The following AGBL1 variants were observed in gnomAD, a reference collection of about 807,000 sequenced individuals.
AGBL1 encodes AGBL carboxypeptidase 1, also known as cytosolic carboxypeptidase 4.
In AGBL1, 130 loss-of-function variants were observed where a neutral mutation model predicts 118.9. The observed-to-expected ratio is 1.09, with a 90% CI of 0.95 to 1.26. The LOEUF is 1.26. AGBL1 is among the 50% of genes most tolerant of loss of function. AGBL1 has a pLI of 0.00. For synonymous variants in AGBL1, 555 were observed against 478.9 expected (o/e 1.16, Z -2.08); for missense variants, 1,584 against 1,298.1 (o/e 1.22, Z -3.38).
chr15:86,149,792 A>G (rs2077082479), intron 3 of AGBL1, among the ~76,000 whole-genome samples: 1 of 152,214 alleles, frequency 6.6e-6, no homozygotes, highest in Non-Finnish European at 1.5e-5. Context: ...AGACATCTAC[A>G]GCACTCTCCA....
chr15:86,293,337 C>T (rs1387299024), intron 16 of AGBL1, among the ~76,000 whole-genome samples: 2 of 152,156 alleles, frequency 1.3e-5, no homozygotes, highest in African/African-American at 4.8e-5. Context: ...TGTGTTTCTT[C>T]TGGAGGCTCT....
chr15:86,161,001 C>A (rs1024954867), intron 5 of AGBL1, among the ~76,000 whole-genome samples: 1 of 152,160 alleles, frequency 6.6e-6, no homozygotes, highest in Admixed American at 6.6e-5. Context: ...ACACTAGTTG[C>A]CATTTTTAAT....
At chr15:86,576,241 C>G (rs1353851674) in intron 21 of AGBL1, among the ~76,000 whole-genome samples, 2 of 152,066 alleles carry the variant, frequency 1.3e-5, no homozygotes, top group East Asian at 3.8e-4. Flanking sequence ...ATATAAAGCA[C>G]TTAGAGTGTT....
At chr15:86,721,375 A>G (rs1183651105) in intron 22 of AGBL1, among the ~76,000 whole-genome samples, 1 of 152,224 alleles carries the variant, frequency 6.6e-6, no homozygotes, top group African/African-American at 2.4e-5. Context: ...AATCCAGCAT[A>G]TAAACAGAAC....
intron 5 of AGBL1, among the ~76,000 whole-genome samples, chr15:86,171,629 T>C (rs1597490015): frequency 6.6e-6 from 1 of 151,936 alleles, no homozygotes; most frequent in Non-Finnish European, 1.5e-5. Context: ...AATGTAGACT[T>C]AAACCTAACC....
Position 86,806,812 on chromosome 15 carries a change from CTATA to C in AGBL1, c.3159-100272_3159-100269del, listed in dbSNP as rs1280060339. ...ATATATAATGATGCTTACTTGTACA[CTATA>C]TAAATATTATAATTAATAACTATTT... On this transcript the variant is annotated intron_variant, in intron 22 of 22. Transcript: ENST00000614907. 2.7e-5 allele frequency among the ~76,000 whole-genome samples: 4 copies of C among 150,432 alleles called. No individual in the cohort carries two copies. In the East Asian group the frequency reaches 7.8e-4, roughly 29 times the overall value.
intron 22 of AGBL1, among the ~76,000 whole-genome samples, chr15:86,800,512 G>T (rs962595025): frequency 1.3e-5 from 2 of 151,968 alleles, no homozygotes; most frequent in Non-Finnish European, 2.9e-5. Flanking sequence ...AAGTCTATTT[G>T]GTGTTCTACA....
intron 23 of AGBL1, among the ~76,000 whole-genome samples, chr15:86,935,855 C>A (rs1368925384): frequency 6.6e-6 from 1 of 152,256 alleles, no homozygotes; most frequent in African/African-American, 2.4e-5. Context: ...GTAAAAATGG[C>A]ATTTCAATGT....
At chr15:86,672,495 A>T (rs2085764064) in intron 21 of AGBL1, among the ~76,000 whole-genome samples, 2 of 152,142 alleles carry the variant, frequency 1.3e-5, no homozygotes, top group Non-Finnish European at 2.9e-5. Flanking sequence ...GCAAATGTGT[A>T]TGCGAGTGCT....
chr15:86,184,547 A>G (rs1445183109), intron 5 of AGBL1, among the ~76,000 whole-genome samples: 1 of 151,620 alleles, frequency 6.6e-6, no homozygotes, highest in Non-Finnish European at 1.5e-5. Context: ...TCTCCTGGAT[A>G]ACATCCTGCA....
intron 18 of AGBL1, among the ~76,000 whole-genome samples, chr15:86,419,088 AT>A (rs959434880): frequency 1.3e-5 from 2 of 152,000 alleles, no homozygotes; most frequent in African/African-American, 4.8e-5. Context: ...TGACTAAGAT[AT>A]GTCCTGCATA....
intron 23 of AGBL1, among the ~76,000 whole-genome samples, chr15:86,983,423 C>T (rs115879606): frequency 9.7e-4 from 147 of 152,234 alleles, no homozygotes; most frequent in African/African-American, 3.3e-3. Context: ...AACAAAAATT[C>T]TTGTGCCAAA....
chr15:86,141,528 G>A lies in AGBL1; in HGVS notation c.52-476G>A, dbSNP rs555083381. Among the ~76,000 whole-genome samples, 10 of 152,324 alleles carry A rather than the reference G, an allele frequency of 6.6e-5. No homozygotes were observed. In the South Asian group the frequency reaches 2.1e-3, roughly 32 times the overall value. On this transcript the variant is annotated intron_variant, in intron 1 of 22. Transcript: ENST00000614907. ...TAGCCAGGGGTGGTGGCACATGCCT[G>A]TAGCCCCAGTTACTTGGCAGGCTGA...
At chr15:86,399,792 G>GGCCA (rs2081418574) in intron 18 of AGBL1, among the ~76,000 whole-genome samples, 1 of 152,168 alleles carries the variant, frequency 6.6e-6, no homozygotes, top group Non-Finnish European at 1.5e-5. Flanking sequence ...CCAAATGGCA[G>GGCCA]GCCAGCTTCT....
intron 17 of AGBL1, among the ~76,000 whole-genome samples, chr15:86,318,933 A>T (rs1233844076): frequency 6.6e-6 from 1 of 152,060 alleles, no homozygotes; most frequent in Non-Finnish European, 1.5e-5. Context: ...GGTGAATTTT[A>T]TATATGTTGA....
intron 10 of AGBL1, among the ~76,000 whole-genome samples, chr15:86,263,599 A>T (rs4887425): frequency 0.16 from 23,603 of 152,232 alleles, 2,021 homozygotes; most frequent in Admixed American, 0.2. Flanking sequence ...GTTGTCCTAG[A>T]TGGCTTTTTG....
chr15:86,516,000 CG>C (rs1276410172), intron 18 of AGBL1, among the ~76,000 whole-genome samples: 3 of 152,052 alleles, frequency 2.0e-5, no homozygotes, highest in Non-Finnish European at 2.9e-5. Flanking sequence ...CAACTCAAAG[CG>C]GGGGAGGGAG....
chr15:86,909,601 T>C lies in AGBL1; in HGVS notation c.*2307T>C, dbSNP rs952230135. 4 of 152,240 alleles carry C rather than the reference T, an allele frequency of 2.6e-5. No homozygotes were observed. Among genetic ancestry groups the C allele is most frequent in the Admixed American group, 6.5e-5 (1 of 15,290 alleles). 9.4% of individuals were successfully genotyped at this position (152,240 alleles called of 1,614,324 possible). A position where few individuals can be genotyped will look rare whatever the true frequency, so the allele number is the denominator to read the frequency against. On this transcript the variant is annotated 3_prime_UTR_variant, in exon 23 of 23. Coordinates refer to ENST00000614907, the MANE Select transcript of AGBL1 (RefSeq NM_001386094.1). Reference sequence around the variant, plus strand: ...TGTTTATGTAACATATGCAAGAAATTTGAAGACTATTAGCAAAGATAATGA... The same window carrying C: ...TGTTTATGTAACATATGCAAGAAATCTGAAGACTATTAGCAAAGATAATGA...
chr15:86,807,994 A>G (rs144528986), intron 22 of AGBL1, among the ~76,000 whole-genome samples: 3 of 152,182 alleles, frequency 2.0e-5, no homozygotes, highest in African/African-American at 7.2e-5. Flanking sequence ...CAGAGCTTCT[A>G]TTTTATCATC....
Sources: allele counts gnomAD v4.1 joint callset (sites outside exome capture counted in the v4.1 genomes callset), GRCh38; gene constraint gnomAD v4.1.1; transcripts MANE v1.5; gene names NCBI Gene and HGNC (gene_info 2026-07-23, HGNC 2026-07-21).